ADGRB1: variants seen among roughly 807,000 people sequenced by gnomAD.
ADGRB1 encodes adhesion G protein-coupled receptor B1.
A neutral mutation model predicts 175.7 loss-of-function variants in ADGRB1; 36 were observed. The ratio of observed to expected loss-of-function variants is 0.20; its 90% CI spans 0.16 to 0.27. The LOEUF is 0.27. ADGRB1 is among the 10% of genes least tolerant of loss of function. The pLI is 1.00. For missense variants in ADGRB1, 1,731 were observed against 2,255.3 expected, an observed-to-expected ratio of 0.77 and a Z score of 4.71; for synonymous variants, 1,054 against 979.4, an observed-to-expected ratio of 1.08 and a Z score of -1.42.
chr8:142,460,766 G>T (rs1839930346), intron 1 of ADGRB1, among the ~76,000 whole-genome samples: 1 of 152,168 alleles, frequency 6.6e-6, no homozygotes, highest in Non-Finnish European at 1.5e-5. Context: ...AGTGGGCCGT[G>T]TGCACCTTCC....
intron 2 of ADGRB1, among the ~76,000 whole-genome samples, chr8:142,470,360 C>T (rs1160861886): frequency 6.6e-6 from 1 of 152,134 alleles, no homozygotes; most frequent in Non-Finnish European, 1.5e-5. Context: ...GAAAAAGCAG[C>T]GTCCTGGGGC....
Position 142,493,047 on chromosome 8 carries a change from C to G in ADGRB1, c.2675+2232C>G, listed in dbSNP as rs895075898. Among the ~76,000 whole-genome samples, 1 of 151,962 alleles carries G rather than the reference C, an allele frequency of 6.6e-6. No homozygotes were observed. The highest frequency in any genetic ancestry group is 6.5e-5 in the Admixed American group (1 of 15,280). The stretch of plus-strand genomic sequence containing the variant: ...AATGCCAGCGTGACCAGCGATCTTG[C>G]GAGGACAGCTTCACCCGTACTTCTG... On this transcript the variant is annotated intron_variant, in intron 17 of 30. Coordinates refer to ENST00000517894, the MANE Select transcript of ADGRB1 (RefSeq NM_001702.3). This position sits in a 1 kb window ranked among gnomAD's most constrained non-coding sequence, Gnocchi z 5.0.
chr8:142,477,670 G>A, intron 6 of ADGRB1, 121 bp downstream of exon 6: 1 of 1,330,062 alleles, frequency 7.5e-7, no homozygotes. Flanking sequence ...AGGGTGCTCA[G>A]AGGTTGGAAC....
At chr8:142,457,305 G>C (rs1839735387) in intron 1 of ADGRB1, among the ~76,000 whole-genome samples, 1 of 152,202 alleles carries the variant, frequency 6.6e-6, no homozygotes. Flanking sequence ...CAGGTGGGGG[G>C]TCAGATGAAG....
At chr8:142,521,202 C>T (rs764320367) in intron 20 of ADGRB1, among the ~76,000 whole-genome samples, 7 of 152,308 alleles carry the variant, frequency 4.6e-5, no homozygotes, top group Middle Eastern at 3.4e-3. Flanking sequence ...CTGCCCATCC[C>T]GCTGTGGGCA....
At position 142,543,263 on chromosome 8, in the gene ADGRB1, G is replaced by C. The variant is rs910063970; in HGVS notation, c.4414-140G>C. ...AGGAGCTGCCTCAGTGCGCCCCCAGGCATGTCCCCTGGGTCTGGCCTGGTC... is the reference window on the plus strand; with the variant it reads ...AGGAGCTGCCTCAGTGCGCCCCCAGCCATGTCCCCTGGGTCTGGCCTGGTC... On this transcript the variant is annotated intron_variant, in intron 28 of 30. Transcript: ENST00000517894. This position sits in a 1 kb window ranked among gnomAD's most constrained non-coding sequence, Gnocchi z 4.4. 7.0e-6 allele frequency: 8 copies of C among 1,140,524 alleles called. No homozygotes were observed. In the South Asian group the frequency reaches 1.2e-4, roughly 17 times the overall value. 70.7% of individuals were successfully genotyped at this position (1,140,524 alleles called of 1,614,324 possible). A position where few individuals can be genotyped will look rare whatever the true frequency, so the allele number is the denominator to read the frequency against.
chr8:142,498,439 C>T (rs925734879), intron 17 of ADGRB1, among the ~76,000 whole-genome samples: 1 of 152,104 alleles, frequency 6.6e-6, no homozygotes, highest in Non-Finnish European at 1.5e-5. Flanking sequence ...TGAGTTGCCC[C>T]GGGTGCCTGC....
At chr8:142,498,745 G>A (rs990728808) in intron 17 of ADGRB1, among the ~76,000 whole-genome samples, 1 of 151,832 alleles carries the variant, frequency 6.6e-6, no homozygotes, top group Non-Finnish European at 1.5e-5. Context: ...CACACCTCCC[G>A]CCTGCCCACC....
intron 1 of ADGRB1, among the ~76,000 whole-genome samples, chr8:142,462,435 G>A (rs555345296): frequency 5.3e-5 from 8 of 152,222 alleles, no homozygotes; most frequent in Admixed American, 1.3e-4. Flanking sequence ...AGATGTGTCC[G>A]AGGCCACTGT....
chr8:142,492,562 G>C lies in ADGRB1; in HGVS notation c.2675+1747G>C, dbSNP rs1414566266. 6.6e-6 allele frequency among the ~76,000 whole-genome samples: 1 copy of C among 152,110 alleles called. No homozygotes were observed. The highest frequency in any genetic ancestry group is 1.5e-5 in the Non-Finnish European group (1 of 68,020). On this transcript the variant is annotated intron_variant, in intron 17 of 30. Transcript: ENST00000517894. The surrounding 1 kb of genome is among the most constrained non-coding windows in gnomAD (Gnocchi z 4.4). ...TCTGGGGATGAGCGTCGCAGGGGAA[G>C]GAGCAGCCGGGGCAAAGGCCTCAAG...
chr8:142,514,315 T>G (rs1450621156), intron 18 of ADGRB1, among the ~76,000 whole-genome samples: 4 of 150,584 alleles, frequency 2.7e-5, no homozygotes, highest in Non-Finnish European at 4.4e-5. Context: ...GACCCACGAG[T>G]CCTCCTCTAG....
chr8:142,496,405 G>A (rs994251736), intron 17 of ADGRB1, among the ~76,000 whole-genome samples: 3 of 151,620 alleles, frequency 2.0e-5, no homozygotes, highest in Non-Finnish European at 4.4e-5. Flanking sequence ...TGTGAATGGA[G>A]GTATGGACGG....
At chr8:142,487,687 G>A (rs971942015) in intron 13 of ADGRB1, among the ~76,000 whole-genome samples, 11 of 152,040 alleles carry the variant, frequency 7.2e-5, no homozygotes. Flanking sequence ...CTCTCTTCCC[G>A]TCCAGTTGCC....
rs866587661 is a variant in ADGRB1, at chr8:142,542,262, C to T, written c.4028C>T (p.Thr1343Met). Residue 1343 changes from threonine to methionine, a missense_variant, in exon 28 of 31, where the codon ACG becomes ATG. Thr to Met is a moderately conservative substitution (Grantham distance 81). Around this residue, in one of 8 missense-constraint regions of ADGRB1, gnomAD observed 394 missense variants for 410.2 expected, o/e 0.96. Transcript: ENST00000517894. The surrounding 1 kb of genome is among the most constrained non-coding windows in gnomAD (Gnocchi z 6.3). Reference protein sequence around the residue: ...LSRAQEKALDTSYVILPTATA... With the variant: ...LSRAQEKALDMSYVILPTATA... ...CGGGCCCAGGAGAAGGCTCTGGACACGAGCTACGTGATCCTGCCCACGGCC... is the reference window on the plus strand; with the variant it reads ...CGGGCCCAGGAGAAGGCTCTGGACATGAGCTACGTGATCCTGCCCACGGCC... The T allele has an allele frequency of 2.4e-5, 38 of 1,613,402 alleles. No individual in the cohort carries two copies. The highest frequency in any genetic ancestry group is 3.3e-4 in the Middle Eastern group (2 of 6,084).
intron 24 of ADGRB1, among the ~76,000 whole-genome samples, chr8:142,528,655 C>T (rs758417555): frequency 3.3e-5 from 5 of 151,320 alleles, no homozygotes; most frequent in East Asian, 1.9e-4. Context: ...TTAGTGCCTC[C>T]GCTGCCACCT....
intron 2 of ADGRB1, among the ~76,000 whole-genome samples, chr8:142,473,371 C>T (rs1292742584): frequency 6.6e-6 from 1 of 152,214 alleles, no homozygotes; most frequent in Admixed American, 6.5e-5. Context: ...CAGATGAGAC[C>T]ACTGAGGCCC....
At position 142,482,396 on chromosome 8, in the gene ADGRB1, AGAACCCTGACACTGGTCACCCACT is replaced by A. The variant is rs1235136145; in HGVS notation, c.2130+696_2130+719del. Among the ~76,000 whole-genome samples, 8 of 138,766 alleles carry A rather than the reference AGAACCCTGACACTGGTCACCCACT, an allele frequency of 5.8e-5. No individual in the cohort carries two copies. The Admixed American group carries it at 5.8e-4, about 10-fold the overall frequency. The allele number at this position is 138,766 out of a possible 152,430, so 91.0% of individuals were successfully genotyped here. ...CTGAGCCCTGATTCTGGTTACACTC[AGAACCCTGACACTGGTCACCCACT>A]GAACCCTGACCTTGGTCACCTGCTG... On this transcript the variant is annotated intron_variant, in intron 11 of 30. Coordinates refer to ENST00000517894, the MANE Select transcript of ADGRB1 (RefSeq NM_001702.3).
rs1166508928 is a variant in ADGRB1, at chr8:142,464,435, C to T, written c.237C>T (p.Arg79=). Residue 79 remains arginine, a synonymous_variant, in exon 2 of 31, where the codon CGC becomes CGT. Transcript: ENST00000517894. ...CGCTACGCAACCCGGACCCGCGGCG[C>T]TACACTCTCTACATGAAGGTGGCCA... is the stretch of plus-strand genomic sequence containing the variant. ...SWTLRNPDPR[R]YTLYMKVAKA... is the part of the protein sequence containing the mutation. 6 of 1,567,658 alleles carry T rather than the reference C, an allele frequency of 3.8e-6. No homozygotes were observed. In the African/African-American group the frequency reaches 6.9e-5, roughly 18 times the overall value.
chr8:142,499,631 T>G (rs1587351862), intron 17 of ADGRB1, among the ~76,000 whole-genome samples: 2 of 142,542 alleles, frequency 1.4e-5, no homozygotes, highest in African/African-American at 2.6e-5. Context: ...CTGTGAGAGG[T>G]GGGGTTGGGA....
Sources: gnomAD v4.1 joint callset for allele counts (sites outside exome capture counted in the v4.1 genomes callset) on GRCh38, gnomAD v4.1.1 for gene constraint, gnomAD v4.1.1 regional missense constraint, Gnocchi (gnomAD v3.1) non-coding constraint, MANE v1.5 for transcripts, NCBI Gene and HGNC (gene_info 2026-07-23, HGNC 2026-07-21) for gene names.